CYTH3: variants seen among roughly 807,000 people sequenced by gnomAD.
The protein encoded by CYTH3 is cytohesin 3.
CYTH3 carries 23 observed loss-of-function variants against 55.1 expected under a neutral mutation model. The ratio of observed to expected loss-of-function variants is 0.42; its 90% CI spans 0.30 to 0.59. The LOEUF (loss-of-function observed/expected upper bound fraction) is 0.59, where lower values mean the gene tolerates loss of function less well. Ranked by LOEUF, CYTH3 falls within the 20% of genes least tolerant of loss-of-function variation. The pLI is 0.20. For missense variants in CYTH3, 413 were observed against 524.8 expected, an observed-to-expected ratio of 0.79 and a Z score of 2.08; for synonymous variants, 249 against 194.9, an observed-to-expected ratio of 1.28 and a Z score of -2.31.
intron 1 of CYTH3, among the ~76,000 whole-genome samples, chr7:6,190,764 T>A (rs112678634): frequency 5.7e-4 from 86 of 152,104 alleles, no homozygotes; most frequent in Non-Finnish European, 1.0e-3. Flanking sequence ...ATTCATAAAA[T>A]AGAATCCCAT....
chr7:6,194,329 C>T (rs530319315), intron 1 of CYTH3, among the ~76,000 whole-genome samples: 1 of 152,094 alleles, frequency 6.6e-6, no homozygotes, highest in Non-Finnish European at 1.5e-5. Flanking sequence ...GGCACGCATC[C>T]GTAGTCCCAG....
chr7:6,206,126 TA>T (rs550722601), intron 1 of CYTH3, among the ~76,000 whole-genome samples: 11 of 151,998 alleles, frequency 7.2e-5, no homozygotes, highest in Non-Finnish European at 1.6e-4. Flanking sequence ...CCCCAAAAAG[TA>T]AAAACATATG....
intron 1 of CYTH3, among the ~76,000 whole-genome samples, chr7:6,242,308 C>T (rs1240901566): frequency 6.6e-6 from 1 of 150,938 alleles, no homozygotes; most frequent in African/African-American, 2.4e-5. Flanking sequence ...CATCTCCTGA[C>T]GTCATGATCC....
At chr7:6,188,858 G>A (rs544783082) in intron 2 of CYTH3, 1 of 152,216 alleles carries the variant, frequency 6.6e-6, no homozygotes, top group Non-Finnish European at 1.5e-5. Context: ...CCAATTCTGG[G>A]TTATCTGATT....
At chr7:6,179,275 C>A (rs1036846029) in intron 4 of CYTH3, among the ~76,000 whole-genome samples, 1 of 152,126 alleles carries the variant, frequency 6.6e-6, no homozygotes, top group African/African-American at 2.4e-5. Flanking sequence ...AAGAGTATTT[C>A]AGTTCCATTC....
At chr7:6,243,281 G>A (rs1020302855) in intron 1 of CYTH3, among the ~76,000 whole-genome samples, 10 of 152,216 alleles carry the variant, frequency 6.6e-5, no homozygotes, top group Non-Finnish European at 1.5e-4. Flanking sequence ...TGTGCATAGA[G>A]GAGCAGGTCT....
At chr7:6,258,025 G>A (rs1217393502) in intron 1 of CYTH3, among the ~76,000 whole-genome samples, 1 of 152,148 alleles carries the variant, frequency 6.6e-6, no homozygotes, top group African/African-American at 2.4e-5. Flanking sequence ...CAACAGGGCT[G>A]GGCACGGTGG....
rs148393930 is a variant in CYTH3 at position 6,213,987 on chromosome 7, C to T, written c.35-23456G>A. Among the ~76,000 whole-genome samples the T allele has an allele frequency of 3.1e-4, 47 of 152,256 alleles. No individual in the cohort carries two copies. In the East Asian group the frequency reaches 5.0e-3, roughly 16 times the overall value. On this transcript the variant is annotated intron_variant, in intron 1 of 12. Coordinates refer to ENST00000350796, the MANE Select transcript of CYTH3 (RefSeq NM_004227.4). The stretch of plus-strand genomic sequence containing the variant: ...ATGGAGTGCAGGGAAAGCAGTGTCA[C>T]AGACTCCCCTGACCTTGTAAGAGGA...
At chr7:6,262,669 T>C (rs956702508) in intron 1 of CYTH3, among the ~76,000 whole-genome samples, 2 of 152,170 alleles carry the variant, frequency 1.3e-5, no homozygotes, top group Non-Finnish European at 2.9e-5. Context: ...CTGAGCAACA[T>C]AGTGAGACCT....
At chr7:6,265,144 G>C (rs1047210944) in intron 1 of CYTH3, among the ~76,000 whole-genome samples, 1 of 152,074 alleles carries the variant, frequency 6.6e-6, no homozygotes, top group Non-Finnish European at 1.5e-5. Context: ...AAACGGGAGA[G>C]GAGCAACAGA....
At chr7:6,179,684 ACCC>A (rs1311364376) in intron 4 of CYTH3, among the ~76,000 whole-genome samples, 55 of 43,514 alleles carry the variant, frequency 1.3e-3, no homozygotes, top group African/African-American at 7.0e-3. Context: ...CACCACACAC[ACCC>A]CCCCACACAC....
intron 1 of CYTH3, among the ~76,000 whole-genome samples, chr7:6,262,272 G>A (rs1297982305): frequency 6.6e-6 from 1 of 152,166 alleles, no homozygotes; most frequent in African/African-American, 2.4e-5. Flanking sequence ...AAATGCAGCA[G>A]AAGCAATCAA....
chr7:6,199,434 A>G (rs898891493), intron 1 of CYTH3, among the ~76,000 whole-genome samples: 1 of 152,192 alleles, frequency 6.6e-6, no homozygotes, highest in Non-Finnish European at 1.5e-5. Flanking sequence ...GAGGATCTGG[A>G]GCCCAAGAGT....
chr7:6,204,824 C>A (rs1246624708), intron 1 of CYTH3, among the ~76,000 whole-genome samples: 1 of 152,166 alleles, frequency 6.6e-6, no homozygotes, highest in Non-Finnish European at 1.5e-5. Context: ...GTCATAAAGA[C>A]CACATTCTCT....
rs975264427 is a variant in CYTH3 at position 6,164,184 on chromosome 7, A to G, written c.*760T>C. On this transcript the variant is annotated 3_prime_UTR_variant, in exon 13 of 13. Transcript: ENST00000350796. ...CCCTCCCCCAGCCCGTCCCGAGCCCACCTGCTGCCCCCCGGGGCTTGTCTG... is the reference window on the plus strand; with the variant it reads ...CCCTCCCCCAGCCCGTCCCGAGCCCGCCTGCTGCCCCCCGGGGCTTGTCTG... 6.6e-6 allele frequency: 1 copy of G among 152,046 alleles called. No individual in the cohort carries two copies. Among genetic ancestry groups the G allele is most frequent in the African/African-American group, 2.4e-5 (1 of 41,222 alleles). The allele number at this position is 152,046 out of a possible 1,614,324, so 9.4% of individuals were successfully genotyped here. A position where few individuals can be genotyped will look rare whatever the true frequency, so the allele number is the denominator to read the frequency against.
At chr7:6,232,828 C>T (rs973407599) in intron 1 of CYTH3, among the ~76,000 whole-genome samples, 25 of 152,192 alleles carry the variant, frequency 1.6e-4, no homozygotes, top group African/African-American at 6.0e-4. Flanking sequence ...TCCTTATACA[C>T]TTAAATTAGC....
At chr7:6,260,300 T>C (rs987115552) in intron 1 of CYTH3, among the ~76,000 whole-genome samples, 5 of 152,182 alleles carry the variant, frequency 3.3e-5, no homozygotes, top group Non-Finnish European at 7.3e-5. Flanking sequence ...CAAAGTTACT[T>C]ATACTAAGAG....
intron 1 of CYTH3, among the ~76,000 whole-genome samples, chr7:6,222,673 G>C (rs903561971): frequency 6.6e-5 from 10 of 151,732 alleles, no homozygotes; most frequent in African/African-American, 1.9e-4. Context: ...CATGAACCAG[G>C]GAGGCAGAGG....
chr7:6,168,218 G>GA (rs1234889737), intron 9 of CYTH3, among the ~76,000 whole-genome samples: 3 of 139,716 alleles, frequency 2.1e-5, no homozygotes, highest in African/African-American at 8.0e-5. Flanking sequence ...CACCTCCTAG[G>GA]ATTTTTTTTT....
Sources: allele counts gnomAD v4.1 joint callset (sites outside exome capture counted in the v4.1 genomes callset), GRCh38; gene constraint gnomAD v4.1.1; transcripts MANE v1.5; gene names NCBI Gene and HGNC (gene_info 2026-07-23, HGNC 2026-07-21).